SPEN: variants seen among roughly 807,000 people sequenced by gnomAD.
SPEN encodes spen family transcriptional repressor, also known as msx2-interacting protein.
SPEN carries 18 observed loss-of-function variants against 269.9 expected under a neutral mutation model. The ratio of observed to expected loss-of-function variants is 0.07; its 90% CI spans 0.05 to 0.10. The LOEUF (loss-of-function observed/expected upper bound fraction) is 0.10. Among genes scored for constraint, SPEN ranks in the 10% least tolerant of loss-of-function variants. SPEN has a pLI of 1.00. For synonymous variants in SPEN, 1,726 were observed against 1,765.7 expected (o/e 0.98, Z 0.56); for missense variants, 3,822 against 4,631.2 (o/e 0.83, Z 5.07).
chr1:15,866,994 A>C (rs149468028), intron 1 of SPEN, among the ~76,000 whole-genome samples: 1 of 152,202 alleles, frequency 6.6e-6, no homozygotes. Context: ...TTAAGCTGTA[A>C]CTCATAAACC....
chr1:15,878,774 C>T (rs1303543690), intron 3 of SPEN, among the ~76,000 whole-genome samples: 3 of 152,110 alleles, frequency 2.0e-5, no homozygotes, highest in East Asian at 3.8e-4. Flanking sequence ...CTTTGGGAGG[C>T]TGAGGCAGGT....
Position 15,865,889 on chromosome 1 carries a change from T to G in SPEN, c.84-6927T>G, listed in dbSNP as rs113988172. ...AGGAGTTGTAATTTTTTTTTTTTTT[T>G]GGAGATGGAATCTCACTCTTGCCCA... On this transcript the variant is annotated intron_variant, in intron 1 of 14. Transcript: ENST00000375759. Among the ~76,000 whole-genome samples the G allele has an allele frequency of 7.1e-3, 1,075 of 151,372 alleles. 21 individuals are homozygous for G. Among genetic ancestry groups the G allele is most frequent in the African/African-American group, 0.025 (1,018 of 41,252 alleles).
At chr1:15,867,146 TCTC>T (rs2070523053) in intron 1 of SPEN, among the ~76,000 whole-genome samples, 1 of 152,120 alleles carries the variant, frequency 6.6e-6, no homozygotes. Context: ...CATTCTCCAT[TCTC>T]CTTTGTCTTC....
chr1:15,865,120 C>G (rs1029386945), intron 1 of SPEN, among the ~76,000 whole-genome samples: 5 of 151,860 alleles, frequency 3.3e-5, no homozygotes, highest in Non-Finnish European at 5.9e-5. Context: ...GGTGAGATCT[C>G]AGCTTACCGC....
chr1:15,890,004 C>T (rs1424597007), intron 3 of SPEN, among the ~76,000 whole-genome samples: 5 of 152,114 alleles, frequency 3.3e-5, no homozygotes, highest in South Asian at 2.1e-4. Flanking sequence ...CATGAGCCAC[C>T]GCACCCGGCC....
rs772979160 is a variant in SPEN, at chr1:15,929,922, A to G, written c.3682A>G (p.Lys1228Glu). ...TGATGACTCTCCTCCTAGCAAAAAG[A>G]AAAGGATGGATCATGTCGATTTTGA... ...VTDDSPPSKK[K>E]RMDHVDFDIC... Residue 1228 changes from lysine to glutamate, a missense_variant, in exon 11 of 15, where the codon AAA becomes GAA. By Grantham distance (56) the Lys-to-Glu change is moderately conservative. This residue lies in a region of SPEN where 267 missense variants were observed against 315.5 expected (regional missense o/e 0.85). Coordinates refer to ENST00000375759, the MANE Select transcript of SPEN (RefSeq NM_015001.3). The surrounding 1 kb of genome is among the most constrained non-coding windows in gnomAD (Gnocchi z 5.8). The G allele has an allele frequency of 1.2e-6, 2 of 1,614,072 alleles. No homozygotes were observed. The highest frequency in any genetic ancestry group is 3.3e-5 in the Admixed American group (2 of 60,010).
At chr1:15,855,990 CTT>C (rs1553173874) in intron 1 of SPEN, among the ~76,000 whole-genome samples, 3 of 28,234 alleles carry the variant, frequency 1.1e-4, no homozygotes, top group Admixed American at 3.9e-4. Context: ...GATGCTAGAA[CTT>C]TTTTTTTTTT....
chr1:15,862,792 C>T (rs1460489204), intron 1 of SPEN, among the ~76,000 whole-genome samples: 13 of 150,568 alleles, frequency 8.6e-5, no homozygotes, highest in African/African-American at 2.7e-4. Context: ...GACGGAGTCT[C>T]GCTCTGTCGC....
At chr1:15,849,904 C>G (rs1180736236) in intron 1 of SPEN, among the ~76,000 whole-genome samples, 1 of 152,178 alleles carries the variant, frequency 6.6e-6, no homozygotes, top group East Asian at 1.9e-4. Flanking sequence ...CACCGATGTA[C>G]AAGCACGTGC....
chr1:15,872,878 C>T lies in SPEN; in HGVS notation c.146C>T (p.Ala49Val). 6.5e-7 allele frequency: 1 copy of T among 1,541,940 alleles called. No individual in the cohort carries two copies. Among genetic ancestry groups the T allele is most frequent in the Non-Finnish European group, 8.8e-7 (1 of 1,130,690 alleles). ...AGGGGATCTGAAGGAGGAGTGGCTGCCTTTGTGGATTTTGTGGACATCAAA... is the reference window on the plus strand; with the variant it reads ...AGGGGATCTGAAGGAGGAGTGGCTGTCTTTGTGGATTTTGTGGACATCAAA... Reference protein sequence around the residue: ...PKRGSEGGVAAFVDFVDIKSA... With the variant: ...PKRGSEGGVAVFVDFVDIKSA... Residue 49 changes from alanine to valine, a missense_variant, in exon 2 of 15, where the codon GCC (alanine) becomes GTC (valine). By Grantham distance (64) the Ala-to-Val change is moderately conservative. Transcript: ENST00000375759.
At chr1:15,912,853 G>A (rs1384209838) in intron 5 of SPEN, among the ~76,000 whole-genome samples, 1 of 152,140 alleles carries the variant, frequency 6.6e-6, no homozygotes, top group African/African-American at 2.4e-5. Flanking sequence ...ATTAAGTAAG[G>A]AGGATCTCAT....
intron 1 of SPEN, among the ~76,000 whole-genome samples, chr1:15,870,975 G>A (rs1400005072): frequency 6.6e-6 from 1 of 152,124 alleles, no homozygotes; most frequent in Non-Finnish European, 1.5e-5. Context: ...TAAGCTCCTA[G>A]AACAATGCCT....
At chr1:15,876,066 A>G (rs878951404) in intron 2 of SPEN, 136 bp from the exon 3 acceptor site, 1 of 651,706 alleles carries the variant, frequency 1.5e-6, no homozygotes. Flanking sequence ...GCGTTTGCTT[A>G]TTAAGTAGGT....
intron 3 of SPEN, among the ~76,000 whole-genome samples, chr1:15,899,620 C>G (rs1238686530): frequency 6.9e-6 from 1 of 144,558 alleles, no homozygotes; most frequent in Non-Finnish European, 1.5e-5. Flanking sequence ...TGTCCTTCTG[C>G]CTCAGGCTCC....
chr1:15,933,689 T>C lies in SPEN; in HGVS notation c.7449T>C (p.Pro2483=), dbSNP rs1314607271. 6.2e-7 allele frequency: 1 copy of C among 1,614,114 alleles called. No individual in the cohort carries two copies. The highest frequency in any genetic ancestry group is 1.1e-5 in the South Asian group (1 of 91,082). ...PSVTAAKLSP[P]VASGGIPHQS... ...TAACTGCAGCAAAGCTCTCACCTCC[T>C]GTCGCCTCTGGGGGGATCCCACACC... The change falls in exon 11 of 15, where the codon CCT becomes CCC. Residue 2483 remains proline, a synonymous_variant. Transcript: ENST00000375759. The surrounding 1 kb of genome is among the most constrained non-coding windows in gnomAD (Gnocchi z 5.7).
In SPEN at chr1:15,928,770, C is replaced by A; in HGVS notation, c.2530C>A (p.Arg844=). ...TTCAGAAACGGACCAAGAAAATGAGCGAGAGCAAAGCCCTGAAAAGCCCAG... is the reference window on the plus strand; with the variant it reads ...TTCAGAAACGGACCAAGAAAATGAGAGAGAGCAAAGCCCTGAAAAGCCCAG... The part of the protein sequence containing the change: ...QSSETDQENE[R]EQSPEKPRSC... Residue 844 remains arginine, a synonymous_variant, in exon 11 of 15, where the codon CGA becomes AGA. Coordinates refer to ENST00000375759, the MANE Select transcript of SPEN (RefSeq NM_015001.3). The surrounding 1 kb of genome is among the most constrained non-coding windows in gnomAD (Gnocchi z 5.7). The A allele has an allele frequency of 6.2e-7, 1 of 1,613,934 alleles. No individual in the cohort carries two copies. The highest frequency in any genetic ancestry group is 8.5e-7 in the Non-Finnish European group (1 of 1,180,034).
chr1:15,871,153 G>C lies in SPEN; in HGVS notation c.84-1663G>C, dbSNP rs557353397. Among the ~76,000 whole-genome samples the C allele has an allele frequency of 1.6e-3, 246 of 152,112 alleles. 2 individuals are homozygous for C. Among genetic ancestry groups the C allele is most frequent in the Non-Finnish European group, 5.3e-4 (36 of 67,990 alleles). On this transcript the variant is annotated intron_variant, in intron 1 of 14. Transcript: ENST00000375759. ...CTTGCTAATTTTTGTATTTTTAGTA[G>C]AGGTGGGGTTTCACCATGTTGGTCA...
rs755105003 is a variant in SPEN at position 15,939,615 on chromosome 1, G to C, written c.*188G>C. The C allele has an allele frequency of 1.7e-6, 1 of 580,446 alleles. No homozygotes were observed. The highest frequency in any genetic ancestry group is 2.8e-6 in the Non-Finnish European group (1 of 361,834). 36.0% of individuals were successfully genotyped at this position (580,446 alleles called of 1,614,324 possible). Reference sequence around the variant, plus strand: ...CCTCTAGGAGTGGTGCTGCTACCTTGTATGTTTACATAATGCTTTAGCCCA... The same window carrying C: ...CCTCTAGGAGTGGTGCTGCTACCTTCTATGTTTACATAATGCTTTAGCCCA... On this transcript the variant is annotated 3_prime_UTR_variant, in exon 15 of 15. Transcript: ENST00000375759. This position sits in a 1 kb window ranked among gnomAD's most constrained non-coding sequence, Gnocchi z 4.1.
intron 3 of SPEN, among the ~76,000 whole-genome samples, chr1:15,908,749 CTAT>C (rs1480347389): frequency 6.6e-6 from 1 of 152,092 alleles, no homozygotes; most frequent in Non-Finnish European, 1.5e-5. Flanking sequence ...GATATAGGTA[CTAT>C]TATAATTATT....
Sources: gnomAD v4.1 joint callset for allele counts (sites outside exome capture counted in the v4.1 genomes callset) on GRCh38, gnomAD v4.1.1 for gene constraint, gnomAD v4.1.1 regional missense constraint, Gnocchi (gnomAD v3.1) non-coding constraint, MANE v1.5 for transcripts, NCBI Gene and HGNC (gene_info 2026-07-23, HGNC 2026-07-21) for gene names.